Variants in DSCAML1 observed in about 807,000 individuals in gnomAD.
DSCAML1 encodes the protein DS cell adhesion molecule like 1, also known as cell adhesion molecule DSCAML1.
DSCAML1 carries 38 observed loss-of-function variants against 200.5 expected under a neutral mutation model. That is an observed-to-expected ratio of 0.19 (90% confidence interval 0.15 to 0.25). DSCAML1 has a LOEUF of 0.25. Among genes scored for constraint, DSCAML1 ranks in the 10% least tolerant of loss-of-function variants. The pLI is 1.00. For missense variants in DSCAML1, 2,223 were observed against 2,858.8 expected (o/e 0.78, Z 5.07); for synonymous variants, 1,215 against 1,165.0 (o/e 1.04, Z -0.87).
chr11:117,454,811 T>C (rs574808753), intron 19 of DSCAML1, among the ~76,000 whole-genome samples: 4 of 152,216 alleles, frequency 2.6e-5, no homozygotes, highest in Middle Eastern at 3.2e-3. Context: ...TTAAATTCAA[T>C]TTCCAGTATT....
chr11:117,505,753 T>C lies in DSCAML1; in HGVS notation c.1784-21A>G. ...GGGCACTGGGAAGGCAAGCGGGTGC[T>C]GCCGTCAGGACCCTGTGCATTCTCA... On this transcript the variant is annotated intron_variant, in intron 8 of 32. Transcript: ENST00000651296. The surrounding 1 kb of genome is among the most constrained non-coding windows in gnomAD (Gnocchi z 6.7). 1.3e-6 allele frequency: 2 copies of C among 1,599,352 alleles called. No homozygotes were observed. The highest frequency in any genetic ancestry group is 1.1e-5 in the South Asian group (1 of 90,422).
chr11:117,716,428 T>C (rs2053953234), intron 3 of DSCAML1, among the ~76,000 whole-genome samples: 1 of 151,950 alleles, frequency 6.6e-6, no homozygotes, highest in Non-Finnish European at 1.5e-5. Context: ...GAGCTTTGGG[T>C]TTTGCTCTTT....
intron 20 of DSCAML1, among the ~76,000 whole-genome samples, chr11:117,444,644 T>C (rs2048140611): frequency 6.6e-6 from 1 of 152,196 alleles, no homozygotes; most frequent in South Asian, 2.1e-4. Flanking sequence ...TATATATTTG[T>C]AGGTTATACA....
At chr11:117,618,211 G>A (rs961453850) in intron 3 of DSCAML1, among the ~76,000 whole-genome samples, 4 of 152,286 alleles carry the variant, frequency 2.6e-5, no homozygotes, top group Middle Eastern at 3.4e-3. Flanking sequence ...TCATTCAATG[G>A]TTGAATGGCT....
At chr11:117,657,587 C>G (rs2052759879) in intron 3 of DSCAML1, among the ~76,000 whole-genome samples, 1 of 152,180 alleles carries the variant, frequency 6.6e-6, no homozygotes. Context: ...TCCTAGGTCC[C>G]TGGCCAAACC....
At chr11:117,674,077 C>G (rs1268232355) in intron 3 of DSCAML1, among the ~76,000 whole-genome samples, 1 of 152,214 alleles carries the variant, frequency 6.6e-6, no homozygotes, top group East Asian at 1.9e-4. Context: ...GGTAGATTCT[C>G]CACTGGAGGA....
chr11:117,439,966 C>T, intron 21 of DSCAML1, 30 bp from the exon 22 acceptor site: 4 of 1,574,090 alleles, frequency 2.5e-6, no homozygotes, highest in Non-Finnish European at 2.6e-6. Context: ...AGGGCCACTC[C>T]ACTTCTACCC....
At chr11:117,523,762 G>A (rs1393586853) in intron 5 of DSCAML1, among the ~76,000 whole-genome samples, 1 of 152,228 alleles carries the variant, frequency 6.6e-6, no homozygotes, top group African/African-American at 2.4e-5. Flanking sequence ...GGTGGGAAGA[G>A]AGTTTCTTTG....
At chr11:117,726,251 C>G (rs916539117) in intron 3 of DSCAML1, among the ~76,000 whole-genome samples, 32 of 149,284 alleles carry the variant, frequency 2.1e-4, no homozygotes, top group African/African-American at 5.8e-4. Flanking sequence ...GTGTGTATCT[C>G]TGTGTGTGTG....
chr11:117,540,790 C>T (rs917586882), intron 3 of DSCAML1, among the ~76,000 whole-genome samples: 3 of 151,960 alleles, frequency 2.0e-5, no homozygotes, highest in Non-Finnish European at 4.4e-5. Context: ...ATGTATGCCT[C>T]TGTAACAAAC....
chr11:117,799,252 A>G (rs183531256), upstream of DSCAML1, among the ~76,000 whole-genome samples: 2 of 152,346 alleles, frequency 1.3e-5, no homozygotes, highest in Admixed American at 6.5e-5. Flanking sequence ...CTATTGACCC[A>G]GAGCACCTGG....
chr11:117,756,710 C>T (rs2054700301), intron 3 of DSCAML1, among the ~76,000 whole-genome samples: 1 of 152,068 alleles, frequency 6.6e-6, no homozygotes, highest in Non-Finnish European at 1.5e-5. Flanking sequence ...GAGCCAACAC[C>T]GAGAGGTAGC....
Position 117,673,776 on chromosome 11 carries a change from G to A in DSCAML1, c.511+103015C>T, listed in dbSNP as rs75822389. Among the ~76,000 whole-genome samples, 44 of 152,358 alleles carry A rather than the reference G, an allele frequency of 2.9e-4. 1 individual carries two copies. The highest frequency in any genetic ancestry group is 9.4e-4 in the African/African-American group (39 of 41,588). ...CGCTGTTGGTTGGCCCCAGCTGTGC[G>A]TGTGCACAATCAGCCTTTATTAACT... On this transcript the variant is annotated intron_variant, in intron 3 of 32. Coordinates refer to ENST00000651296, the MANE Select transcript of DSCAML1 (RefSeq NM_020693.4).
intron 3 of DSCAML1, among the ~76,000 whole-genome samples, chr11:117,627,937 A>G (rs2052089751): frequency 6.6e-6 from 1 of 152,002 alleles, no homozygotes; most frequent in Non-Finnish European, 1.5e-5. Context: ...CATGGGGACC[A>G]TGGGCCCCTA....
chr11:117,698,005 C>T (rs188262361), intron 3 of DSCAML1, among the ~76,000 whole-genome samples: 422 of 152,212 alleles, frequency 2.8e-3, no homozygotes, highest in African/African-American at 9.8e-3. Flanking sequence ...CTCTTGACTT[C>T]GTGATCCACC....
intron 3 of DSCAML1, among the ~76,000 whole-genome samples, chr11:117,676,981 C>A (rs2053227259): frequency 6.6e-6 from 1 of 152,138 alleles, no homozygotes; most frequent in African/African-American, 2.4e-5. Context: ...GGGAGGGGAG[C>A]CAGGAGGCCC....
intron 21 of DSCAML1, among the ~76,000 whole-genome samples, chr11:117,441,819 C>T (rs1332774952): frequency 2.6e-5 from 4 of 152,042 alleles, no homozygotes; most frequent in South Asian, 2.1e-4. Context: ...CAGACAGGCC[C>T]GGCAGAGGGG....
At chr11:117,764,872 T>A (rs1351236609) in intron 3 of DSCAML1, among the ~76,000 whole-genome samples, 2 of 152,136 alleles carry the variant, frequency 1.3e-5, no homozygotes, top group Non-Finnish European at 2.9e-5. Flanking sequence ...TGTTACAAAG[T>A]CTCAGAGAAG....
At chr11:117,674,614 C>T (rs2053174652) in intron 3 of DSCAML1, among the ~76,000 whole-genome samples, 1 of 152,168 alleles carries the variant, frequency 6.6e-6, no homozygotes, top group South Asian at 2.1e-4. Flanking sequence ...TATCCCGCTG[C>T]AGATTCAGGA....
Sources: gnomAD v4.1 joint callset for allele counts (sites outside exome capture counted in the v4.1 genomes callset) on GRCh38, gnomAD v4.1.1 for gene constraint, Gnocchi (gnomAD v3.1) non-coding constraint, MANE v1.5 for transcripts, NCBI Gene and HGNC (gene_info 2026-07-23, HGNC 2026-07-21) for gene names.